The following OPCML variants were observed in gnomAD, a reference collection of about 807,000 sequenced individuals.
OPCML encodes the protein opioid-binding protein/cell adhesion molecule.
Under a neutral mutation model 37.8 loss-of-function variants are expected in OPCML, and 13 were observed. That is an observed-to-expected ratio of 0.34 (90% CI 0.22 to 0.55). The LOEUF (loss-of-function observed/expected upper bound fraction) is 0.55. OPCML is among the 20% of genes least tolerant of loss of function. OPCML has a pLI of 0.91. For missense variants in OPCML, 341 were observed against 435.6 expected (o/e 0.78, Z 1.93); for synonymous variants, 176 against 168.8 (o/e 1.04, Z -0.33).
chr11:132,884,973 C>T (rs1050393857), intron 2 of OPCML, among the ~76,000 whole-genome samples: 2 of 152,250 alleles, frequency 1.3e-5, no homozygotes, highest in Admixed American at 6.5e-5. Flanking sequence ...GAATTAGAGC[C>T]GAGTCCAAGC....
At chr11:132,768,870 G>A (rs56240931) in intron 2 of OPCML, among the ~76,000 whole-genome samples, 9,134 of 152,260 alleles carry the variant, frequency 0.06, 386 homozygotes, top group Non-Finnish European at 0.088. Context: ...AGCAGTGGGT[G>A]GTGGGAAGAA....
chr11:132,474,655 C>G (rs1425014861), intron 4 of OPCML, among the ~76,000 whole-genome samples: 1 of 152,168 alleles, frequency 6.6e-6, no homozygotes. Flanking sequence ...CTTCTAGCCT[C>G]CCTTCCTGAA....
intron 4 of OPCML, among the ~76,000 whole-genome samples, chr11:132,493,853 T>C (rs2096223341): frequency 1.3e-5 from 2 of 152,244 alleles, no homozygotes; most frequent in Non-Finnish European, 2.9e-5. Context: ...AGCTTGTTTA[T>C]CCCATGCTTC....
At chr11:133,046,795 A>T (rs1400495248) in intron 1 of OPCML, among the ~76,000 whole-genome samples, 1 of 152,214 alleles carries the variant, frequency 6.6e-6, no homozygotes, top group Admixed American at 6.5e-5. Flanking sequence ...TCTACTTAAC[A>T]GCAGTCTCCT....
At position 133,177,543 on chromosome 11, in the gene OPCML, C is replaced by A. The variant is rs1428656752; in HGVS notation, c.62-234533G>T. 6.6e-6 allele frequency among the ~76,000 whole-genome samples: 1 copy of A among 152,170 alleles called. No individual in the cohort carries two copies. Among genetic ancestry groups the A allele is most frequent in the East Asian group, 1.9e-4 (1 of 5,196 alleles). On this transcript the variant is annotated intron_variant, in intron 1 of 7. Coordinates refer to ENST00000524381, the MANE Select transcript of OPCML (RefSeq NM_001012393.5). This position sits in a 1 kb window ranked among gnomAD's most constrained non-coding sequence, Gnocchi z 5.0. ...AGACTGCACCAGACCCTAGCTTTCC[C>A]AGGGAAAGGAACTCTAGAATCTAAT...
At position 132,477,139 on chromosome 11, in the gene OPCML, T is replaced by A. The variant is rs368172083; in HGVS notation, c.506-39780A>T. On this transcript the variant is annotated intron_variant, in intron 4 of 7. Coordinates refer to ENST00000524381, the MANE Select transcript of OPCML (RefSeq NM_001012393.5). ...AGGTTGGAGACCACAGATAACAGAGTGCAACCCAATGATTTTCAAATGAGG... is the reference window on the plus strand; with the variant it reads ...AGGTTGGAGACCACAGATAACAGAGAGCAACCCAATGATTTTCAAATGAGG... Among the ~76,000 whole-genome samples the A allele has an allele frequency of 1.8e-4, 27 of 152,194 alleles. No homozygotes were observed. In the South Asian group the frequency reaches 5.2e-3, roughly 29 times the overall value.
rs149071458 is a variant in OPCML, at chr11:132,533,442, T to C, written c.380-4256A>G. Among the ~76,000 whole-genome samples, 245 of 152,230 alleles carry C rather than the reference T, an allele frequency of 1.6e-3. 1 individual carries two copies. The highest frequency in any genetic ancestry group is 5.5e-3 in the African/African-American group (230 of 41,550). Reference sequence around the variant, plus strand: ...TAGCTAGAAAGAGATAGATGATAGATAGATAAACGGACAGATAGACGGATA... The same window carrying C: ...TAGCTAGAAAGAGATAGATGATAGACAGATAAACGGACAGATAGACGGATA... On this transcript the variant is annotated intron_variant, in intron 3 of 7. Coordinates refer to ENST00000524381, the MANE Select transcript of OPCML (RefSeq NM_001012393.5).
rs28790090 is a variant in OPCML at position 132,479,685 on chromosome 11, G to A, written c.506-42326C>T. On this transcript the variant is annotated intron_variant, in intron 4 of 7. Transcript: ENST00000524381. ...GTACGCAGCTGGAGATCTGAGAACAGGCAGACTGCCTCCTCAAGTGGGTCC... is the reference window on the plus strand; with the variant it reads ...GTACGCAGCTGGAGATCTGAGAACAAGCAGACTGCCTCCTCAAGTGGGTCC... 3.9e-5 allele frequency among the ~76,000 whole-genome samples: 6 copies of A among 152,130 alleles called. No individual in the cohort carries two copies. In the South Asian group the frequency reaches 1.0e-3, roughly 26 times the overall value.
chr11:133,529,611 G>A (rs905426654), intron 1 of OPCML, among the ~76,000 whole-genome samples: 5 of 152,202 alleles, frequency 3.3e-5, no homozygotes, highest in African/African-American at 9.6e-5. Flanking sequence ...ATTACTCTGG[G>A]ATGGATACAT....
intron 1 of OPCML, among the ~76,000 whole-genome samples, chr11:133,364,325 C>T (rs1944491944): frequency 6.6e-6 from 1 of 152,176 alleles, no homozygotes. Flanking sequence ...ATTTTCATTT[C>T]CCAGATAAAA....
intron 1 of OPCML, among the ~76,000 whole-genome samples, chr11:133,527,808 C>T (rs533461698): frequency 1.3e-5 from 2 of 152,310 alleles, no homozygotes; most frequent in East Asian, 1.9e-4. Context: ...CCAAATAAGC[C>T]TCAAAGAGCC....
At chr11:132,982,514 C>CAA (rs71696344) in intron 1 of OPCML, among the ~76,000 whole-genome samples, 29 of 135,016 alleles carry the variant, frequency 2.1e-4, no homozygotes, top group African/African-American at 3.4e-4. Context: ...AGGCTTAGAG[C>CAA]AAAAAAAAAA....
chr11:132,847,644 C>G (rs756614985), intron 2 of OPCML, among the ~76,000 whole-genome samples: 9 of 152,210 alleles, frequency 5.9e-5, no homozygotes, highest in Non-Finnish European at 1.0e-4. Flanking sequence ...CACTCTCTTT[C>G]AGGAATCTCA....
chr11:133,458,775 G>GTATATACACATAGATGCACGTGTGTGTA (rs1946782388), intron 1 of OPCML, among the ~76,000 whole-genome samples: 1 of 129,716 alleles, frequency 7.7e-6, no homozygotes, highest in Non-Finnish European at 1.5e-5. Flanking sequence ...GCACGTGTGT[G>GTATATACACATAGATGCACGTGTGTGTA]TATATACACA....
chr11:132,658,587 C>T (rs1324752467), intron 2 of OPCML, among the ~76,000 whole-genome samples: 5 of 152,200 alleles, frequency 3.3e-5, no homozygotes, highest in Non-Finnish European at 5.9e-5. Context: ...AAAGCAATAC[C>T]AGCTTCCGGT....
chr11:132,712,322 C>T (rs544061976), intron 2 of OPCML, among the ~76,000 whole-genome samples: 1 of 151,874 alleles, frequency 6.6e-6, no homozygotes, highest in African/African-American at 2.4e-5. Flanking sequence ...ATCCTCCTCC[C>T]CCACAAGTGG....
intron 1 of OPCML, among the ~76,000 whole-genome samples, chr11:133,472,991 AT>A (rs146301368): frequency 0.021 from 3,217 of 152,058 alleles, 113 homozygotes; most frequent in African/African-American, 0.074. Flanking sequence ...ACATTTTACC[AT>A]TTTACTAAGG....
chr11:132,968,243 GT>G (rs1946257718), intron 1 of OPCML, among the ~76,000 whole-genome samples: 2 of 152,108 alleles, frequency 1.3e-5, no homozygotes, highest in Non-Finnish European at 2.9e-5. Flanking sequence ...CTCTTAGTCT[GT>G]TTTTCTGTTG....
At chr11:132,996,653 T>C (rs1291095766) in intron 1 of OPCML, among the ~76,000 whole-genome samples, 1 of 151,436 alleles carries the variant, frequency 6.6e-6, no homozygotes, top group Non-Finnish European at 1.5e-5. Context: ...ACTCATAACT[T>C]TCTATGTATT....
Sources: gnomAD v4.1 joint callset for allele counts (sites outside exome capture counted in the v4.1 genomes callset) on GRCh38, gnomAD v4.1.1 for gene constraint, Gnocchi (gnomAD v3.1) non-coding constraint, MANE v1.5 for transcripts, NCBI Gene and HGNC (gene_info 2026-07-23, HGNC 2026-07-21) for gene names.